IL1RAPL1: variants seen among roughly 807,000 people sequenced by gnomAD.
The protein encoded by IL1RAPL1 is interleukin-1 receptor accessory protein-like 1.
IL1RAPL1 carries 3 observed loss-of-function variants against 48.4 expected under a neutral mutation model. The observed-to-expected ratio is 0.06, with a 90% confidence interval of 0.03 to 0.16. IL1RAPL1 has a LOEUF of 0.16. Among genes scored for constraint, IL1RAPL1 ranks in the 10% least tolerant of loss-of-function variants. The pLI, the probability that IL1RAPL1 is intolerant of heterozygous loss-of-function variation, is 1.00. For missense variants in IL1RAPL1, 349 were observed against 530.6 expected (o/e 0.66, Z 3.36); for synonymous variants, 185 against 187.7 (o/e 0.99, Z 0.12).
chrX:29,659,616 T>A (rs1207632083), intron 5 of IL1RAPL1, among the ~76,000 whole-genome samples: 2 of 111,741 alleles, frequency 1.8e-5, no homozygotes, highest in Non-Finnish European at 3.8e-5. Context: ...GGTTTTTGTT[T>A]GTGTTTTTGT....
At chrX:29,768,686 A>C (rs1347724555) in intron 6 of IL1RAPL1, among the ~76,000 whole-genome samples, 2 of 111,852 alleles carry the variant, frequency 1.8e-5, no homozygotes, top group African/African-American at 6.5e-5. Context: ...CATAAGAGAA[A>C]ATGTATATTG....
intron 2 of IL1RAPL1, among the ~76,000 whole-genome samples, chrX:28,907,715 A>G (rs1321758604): frequency 8.9e-6 from 1 of 112,365 alleles, no homozygotes; most frequent in Non-Finnish European, 1.9e-5. Flanking sequence ...TATTTGTTGT[A>G]ATGTCTATTA....
chrX:29,710,241 A>T (rs760478614), intron 6 of IL1RAPL1, among the ~76,000 whole-genome samples: 1 of 110,993 alleles, frequency 9.0e-6, no homozygotes, highest in Admixed American at 9.6e-5. Context: ...CTTGTTCTTG[A>T]TCTTTGAGAA....
intron 1 of IL1RAPL1, among the ~76,000 whole-genome samples, chrX:28,775,977 CAT>C (rs1167171208): frequency 4.5e-5 from 5 of 111,972 alleles, no homozygotes; most frequent in South Asian, 3.7e-4. Flanking sequence ...TATTAACTGA[CAT>C]ATATTTTTTA....
intron 2 of IL1RAPL1, among the ~76,000 whole-genome samples, chrX:28,995,416 A>G (rs1191088125): frequency 9.1e-6 from 1 of 110,398 alleles, no homozygotes; most frequent in Non-Finnish European, 1.9e-5. Flanking sequence ...TTGAGGAATC[A>G]TACTTAAAAG....
At chrX:29,720,899 A>G (rs1303433207) in intron 6 of IL1RAPL1, among the ~76,000 whole-genome samples, 1 of 112,529 alleles carries the variant, frequency 8.9e-6, no homozygotes, top group Non-Finnish European at 1.9e-5. Context: ...AAATGATATG[A>G]TGTCAGTTAA....
intron 6 of IL1RAPL1, among the ~76,000 whole-genome samples, chrX:29,741,935 G>GAAAAAAAAA (rs1182352727): frequency 4.9e-5 from 3 of 61,831 alleles, no homozygotes; most frequent in Admixed American, 2.1e-4. Context: ...AAAAAAAAAA[G>GAAAAAAAAA]AAAAAAAAAA....
chrX:29,240,216 ATATATATATTTTTTTTTTTTTT>A (rs1246933739), intron 2 of IL1RAPL1, among the ~76,000 whole-genome samples: 1 of 27,057 alleles, frequency 3.7e-5, no homozygotes, highest in East Asian at 1.6e-3. Flanking sequence ...ATATATATAT[ATATATATATTTTTTTTTTTTTT>A]TTTTTTTTTT....
intron 5 of IL1RAPL1, among the ~76,000 whole-genome samples, chrX:29,603,050 G>A (rs184857464): frequency 0.086 from 9,536 of 111,098 alleles, 381 homozygotes; most frequent in Middle Eastern, 0.17. Context: ...TGGATCACCC[G>A]AGGTCAGGAG....
chrX:29,835,892 T>G (rs1204549522), intron 6 of IL1RAPL1, among the ~76,000 whole-genome samples: 1 of 104,828 alleles, frequency 9.5e-6, no homozygotes, highest in Non-Finnish European at 1.9e-5. Context: ...TTTTTTTTTT[T>G]TTTTTTAGTT....
chrX:29,380,724 G>A (rs917141096), intron 3 of IL1RAPL1, among the ~76,000 whole-genome samples: 27 of 112,040 alleles, frequency 2.4e-4, no homozygotes, highest in African/African-American at 6.8e-4. Context: ...AGTGTTACTG[G>A]TCAGTGGGGC....
intron 2 of IL1RAPL1, among the ~76,000 whole-genome samples, chrX:29,211,748 C>T (rs767053294): frequency 1.8e-5 from 2 of 111,394 alleles, no homozygotes; most frequent in Non-Finnish European, 3.8e-5. Context: ...CGAGACTGTA[C>T]CTCGTCAAGC....
chrX:28,599,193 C>T (rs747570365), intron 1 of IL1RAPL1, among the ~76,000 whole-genome samples: 11 of 103,874 alleles, frequency 1.1e-4, no homozygotes, highest in South Asian at 9.5e-4. Context: ...TGCAGTGAGC[C>T]GAGATTGCAC....
At chrX:29,425,453 A>G (rs1020686560) in intron 5 of IL1RAPL1, among the ~76,000 whole-genome samples, 2 of 111,583 alleles carry the variant, frequency 1.8e-5, no homozygotes, top group Non-Finnish European at 1.9e-5. Flanking sequence ...TTAGGGTTAA[A>G]TTTAACACTG....
At chrX:28,769,169 A>G (rs1410444529) in intron 1 of IL1RAPL1, among the ~76,000 whole-genome samples, 2 of 108,826 alleles carry the variant, frequency 1.8e-5, no homozygotes, top group East Asian at 5.8e-4. Flanking sequence ...GTGTGTGTGT[A>G]TGAGTATATA....
chrX:28,836,262 A>G (rs1165367766), intron 2 of IL1RAPL1, among the ~76,000 whole-genome samples: 2 of 107,158 alleles, frequency 1.9e-5, no homozygotes, highest in Admixed American at 1.0e-4. Context: ...AAGAGTAACT[A>G]TAGTCATTAC....
chrX:29,391,775 A>G (rs780844601), intron 3 of IL1RAPL1, among the ~76,000 whole-genome samples: 3 of 111,889 alleles, frequency 2.7e-5, no homozygotes, highest in South Asian at 3.8e-4. Flanking sequence ...TATAGCGTCT[A>G]TGTGTGCTAA....
At chrX:29,043,672 T>C (rs1926894563) in intron 2 of IL1RAPL1, among the ~76,000 whole-genome samples, 1 of 111,733 alleles carries the variant, frequency 8.9e-6, no homozygotes, top group East Asian at 2.8e-4. Context: ...AGAATGCCAA[T>C]GACCTTCATT....
At chrX:29,819,385 T>A (rs1283790195) in intron 6 of IL1RAPL1, among the ~76,000 whole-genome samples, 2 of 111,273 alleles carry the variant, frequency 1.8e-5, no homozygotes, top group Non-Finnish European at 3.8e-5. Context: ...AAATAGAAAC[T>A]AACTTAAAAT....
Sources: gnomAD v4.1 joint callset for allele counts (sites outside exome capture counted in the v4.1 genomes callset) on GRCh38, gnomAD v4.1.1 for gene constraint, MANE v1.5 for transcripts, NCBI Gene and HGNC (gene_info 2026-07-23, HGNC 2026-07-21) for gene names.